The following DHX16 variants were observed in gnomAD, a reference collection of about 807,000 sequenced individuals.
DHX16 encodes the protein DEAH-box helicase 16, also known as pre-mRNA-splicing factor ATP-dependent RNA helicase DHX16.
In DHX16, 81 loss-of-function variants were observed where a neutral mutation model predicts 131.2. That is an observed-to-expected ratio of 0.62 (90% confidence interval 0.52 to 0.74). The LOEUF is 0.74. DHX16 is among the 30% of genes least tolerant of loss of function. DHX16 has a pLI of 0.00. For synonymous variants in DHX16, 440 were observed against 520.2 expected (o/e 0.85, Z 2.10); for missense variants, 980 against 1,363.1 (o/e 0.72, Z 4.43).
chr6:30,662,947 TC>T lies in DHX16; in HGVS notation c.1391del (p.Arg464GlnfsTer8). The T allele has an allele frequency of 6.2e-7, 1 of 1,613,238 alleles. No individual in the cohort carries two copies. Among genetic ancestry groups the T allele is most frequent in the Non-Finnish European group, 8.5e-7 (1 of 1,180,016 alleles). On this transcript the variant is annotated frameshift_variant, in exon 8 of 20. Transcript: ENST00000376442. LOFTEE classifies it high-confidence loss of function. The surrounding 1 kb of genome is among the most constrained non-coding windows in gnomAD (Gnocchi z 4.7). ...RRVAAMSVAA[R>X]VAREMGVKLG... ...GCTTCACACCCATCTCCCGGGCCACTCGGGCGGCCACACTCATGGCAGCCAC... is the reference window on the plus strand; with the variant it reads ...GCTTCACACCCATCTCCCGGGCCACTGGGCGGCCACACTCATGGCAGCCAC...
chr6:30,672,655 C>T lies in DHX16; in HGVS notation c.187G>A (p.Ala63Thr). 1.9e-6 allele frequency: 3 copies of T among 1,612,658 alleles called. No homozygotes were observed. Among genetic ancestry groups the T allele is most frequent in the Non-Finnish European group, 2.5e-6 (3 of 1,179,678 alleles). The change falls in exon 1 of 20, where the codon GCC (alanine) becomes ACC (threonine). Residue 63 changes from alanine to threonine, a missense_variant. Coordinates refer to ENST00000376442, the MANE Select transcript of DHX16 (RefSeq NM_003587.5). ...LDLSGPARDF[A>T]LRLWNKVPRK... is the part of the protein sequence containing the mutation. ...GACACCTTGTTCCAGAGTCTCAGGG[C>T]GAAGTCCCGGGCCGGCCCACTGAGA...
rs771105690 is a variant in DHX16, at chr6:30,670,531, C to A, written c.610-65G>T. ...GAGCCCCCACACTGACAGCTGCTCCCCTCTAGAATCACAAGGATCATTCAG... is the reference window on the plus strand; with the variant it reads ...GAGCCCCCACACTGACAGCTGCTCCACTCTAGAATCACAAGGATCATTCAG... On this transcript the variant is annotated intron_variant, in intron 3 of 19. Transcript: ENST00000376442. The surrounding 1 kb of genome is among the most constrained non-coding windows in gnomAD (Gnocchi z 4.4). 16 of 1,520,452 alleles carry A rather than the reference C, an allele frequency of 1.1e-5. No homozygotes were observed. The highest frequency in any genetic ancestry group is 1.4e-5 in the Non-Finnish European group (16 of 1,109,690). The allele number at this position is 1,520,452 out of a possible 1,614,324, so 94.2% of individuals were successfully genotyped here.
At chr6:30,666,157 G>A (rs552104202) in intron 4 of DHX16, among the ~76,000 whole-genome samples, 1 of 152,148 alleles carries the variant, frequency 6.6e-6, no homozygotes, top group Non-Finnish European at 1.5e-5. Context: ...ACCAGTGAGG[G>A]GGCCAACAGG....
Position 30,659,486 on chromosome 6 carries a change from G to A in DHX16, c.1993C>T (p.Pro665Ser), listed in dbSNP as rs1310687668. ...CTCCAACTGACCTTTCGTGCCCCAGGTGGTGTGGGCTGGAAGATACGGGCC... is the reference window on the plus strand; with the variant it reads ...CTCCAACTGACCTTTCGTGCCCCAGATGGTGTGGGCTGGAAGATACGGGCC... ...MQARIFQPTP[P>S]GARKVVVATN... The change falls in exon 12 of 20, where the codon CCT becomes TCT. Residue 665 changes from proline to serine, a missense_variant. Physicochemically the swap from Pro to Ser is moderately conservative, Grantham distance 74. This residue lies in a region of DHX16 where 309 missense variants were observed against 537.1 expected (regional missense o/e 0.58). Coordinates refer to ENST00000376442, the MANE Select transcript of DHX16 (RefSeq NM_003587.5). 6.3e-7 allele frequency: 1 copy of A among 1,596,686 alleles called. No homozygotes were observed. The highest frequency in any genetic ancestry group is 8.5e-7 in the Non-Finnish European group (1 of 1,172,078).
chr6:30,670,286 A>G lies in DHX16; in HGVS notation c.666+124T>C. The G allele has an allele frequency of 1.1e-6, 1 of 935,670 alleles. No individual in the cohort carries two copies. The allele number at this position is 935,670 out of a possible 1,614,324, so 58.0% of individuals were successfully genotyped here. A position where few individuals can be genotyped will look rare whatever the true frequency, so the allele number is the denominator to read the frequency against. On this transcript the variant is annotated intron_variant, in intron 4 of 19. Coordinates refer to ENST00000376442, the MANE Select transcript of DHX16 (RefSeq NM_003587.5). This position sits in a 1 kb window ranked among gnomAD's most constrained non-coding sequence, Gnocchi z 4.4. ...CTCCTAACAACCAAGCCCCTCTTCT[A>G]GAAACCTGACCACCCCATCAGCATC...
At position 30,660,104 on chromosome 6, in the gene DHX16, G is replaced by A. The variant is rs1768361835; in HGVS notation, c.1683C>T (p.Ser561=). 7 of 1,612,242 alleles carry A rather than the reference G, an allele frequency of 4.3e-6. No individual in the cohort carries two copies. The highest frequency in any genetic ancestry group is 3.3e-5 in the South Asian group (3 of 90,976). The part of the protein sequence containing the change: ...ASATMDTARF[S]TFFDDAPVFR... The stretch of plus-strand genomic sequence containing the variant: ...ACACAGGGGCGTCATCAAAGAAGGT[G>A]GAAAAACGGGCAGTGTCCATTGTGG... Residue 561 remains serine (S), a synonymous_variant, in exon 10 of 20, where the codon TCC becomes TCT. Transcript: ENST00000376442.
At chr6:30,664,740 G>T in intron 7 of DHX16, 61 bp downstream of exon 7, 1 of 1,445,216 alleles carries the variant, frequency 6.9e-7, no homozygotes, top group Non-Finnish European at 9.5e-7. Flanking sequence ...AAGGAGCTCT[G>T]ACAGGAATGA....
In DHX16 at chr6:30,665,323, T is replaced by G. The variant is rs1294268021; in HGVS notation, c.922-49A>C. 1.3e-6 allele frequency: 2 copies of G among 1,595,270 alleles called. No homozygotes were observed. The highest frequency in any genetic ancestry group is 4.5e-5 in the East Asian group (2 of 44,766). ...AGACTCAAAAACAGGATGTCCTCTCTGCCCTCTCCCCTCTTCCCATTACTA... is the reference window on the plus strand; with the variant it reads ...AGACTCAAAAACAGGATGTCCTCTCGGCCCTCTCCCCTCTTCCCATTACTA... On this transcript the variant is annotated intron_variant, in intron 5 of 19. Coordinates refer to ENST00000376442, the MANE Select transcript of DHX16 (RefSeq NM_003587.5). This position sits in a 1 kb window ranked among gnomAD's most constrained non-coding sequence, Gnocchi z 4.8.
chr6:30,654,652 A>G (rs543277177), intron 19 of DHX16, 54 bp downstream of exon 19: 8 of 1,517,964 alleles, frequency 5.3e-6, no homozygotes, highest in Non-Finnish European at 7.1e-6. Context: ...GCTTGCCAGG[A>G]CACCATCTCT....
intron 7 of DHX16, among the ~76,000 whole-genome samples, chr6:30,664,516 T>C (rs1027703582): frequency 5.7e-4 from 80 of 140,752 alleles, no homozygotes; most frequent in Non-Finnish European, 1.4e-4. Flanking sequence ...GGCAGGAAAA[T>C]AGTCCTTTAA....
chr6:30,658,701 ACT>A (rs1246768279), intron 12 of DHX16, among the ~76,000 whole-genome samples: 1 of 151,756 alleles, frequency 6.6e-6, no homozygotes, highest in Non-Finnish European at 1.5e-5. Flanking sequence ...ACAGAGCGAG[ACT>A]CTGTCTCAAA....
Position 30,662,622 on chromosome 6 carries a change from G to C in DHX16, c.1544+5C>G. ...AGGGAGAGAAAGGCCAGAGATTAGA[G>C]ATACCTGTAACTCGCCAGGTCAGGC... On this transcript the variant is annotated splice_donor_5th_base_variant and intron_variant, in intron 9 of 19. Coordinates refer to ENST00000376442, the MANE Select transcript of DHX16 (RefSeq NM_003587.5). This position sits in a 1 kb window ranked among gnomAD's most constrained non-coding sequence, Gnocchi z 4.7. 1.2e-6 allele frequency: 2 copies of C among 1,609,354 alleles called. No homozygotes were observed. The highest frequency in any genetic ancestry group is 1.7e-6 in the Non-Finnish European group (2 of 1,176,634).
rs763910556 is a variant in DHX16, at chr6:30,655,578, T to C, written c.2518A>G (p.Ile840Val). The C allele has an allele frequency of 1.2e-6, 2 of 1,613,020 alleles. No individual in the cohort carries two copies. Reference protein sequence around the residue: ...ASEKYSCSEEILTVAAMLSVN... With the variant: ...ASEKYSCSEEVLTVAAMLSVN... The stretch of plus-strand genomic sequence containing the variant: ...GAGAGCATGGCAGCCACTGTCAGGA[T>C]CTCCTCTGAACAGCTGTACCTGGGA... The change falls in exon 17 of 20, where the codon ATC becomes GTC. Residue 840 changes from isoleucine (I) to valine (V), a missense_variant. Around this residue, in one of 3 missense-constraint regions of DHX16, gnomAD observed 214 missense variants for 271.2 expected, o/e 0.79. Coordinates refer to ENST00000376442, the MANE Select transcript of DHX16 (RefSeq NM_003587.5).
Position 30,664,865 on chromosome 6 carries a change from A to G in DHX16, c.1253T>C (p.Leu418Pro), listed in dbSNP as rs1321956512. The G allele has an allele frequency of 1.2e-6, 2 of 1,613,138 alleles. No individual in the cohort carries two copies. Among genetic ancestry groups the G allele is most frequent in the Non-Finnish European group, 1.7e-6 (2 of 1,180,018 alleles). Residue 418 changes from leucine to proline, a missense_variant, in exon 7 of 20, where the codon CTC becomes CCC. Physicochemically the swap from Leu to Pro is moderately conservative, Grantham distance 98. Transcript: ENST00000376442. ...LLAAIANHQV[L>P]IIEGETGSGK... ...TGAGCCTGTCTCGCCTTCAATGATGAGGACTTGGTGATTTGCAATAGCAGC... is the reference window on the plus strand; with the variant it reads ...TGAGCCTGTCTCGCCTTCAATGATGGGGACTTGGTGATTTGCAATAGCAGC...
rs750657160 is a variant in DHX16, at chr6:30,653,437, T to G, written c.2998-67A>C. On this transcript the variant is annotated intron_variant, in intron 19 of 19. Transcript: ENST00000376442. ...CATAGATCTTTTGTTGTTGTTATTTTTTTTTCTTAAATTGAAACAGAGTCT... is the reference window on the plus strand; with the variant it reads ...CATAGATCTTTTGTTGTTGTTATTTGTTTTTCTTAAATTGAAACAGAGTCT... 8.7e-5 allele frequency: 133 copies of G among 1,522,260 alleles called. 1 individual carries two copies. Among genetic ancestry groups the G allele is most frequent in the Non-Finnish European group, 1.2e-4 (132 of 1,137,972 alleles). 94.3% of individuals were successfully genotyped at this position (1,522,260 alleles called of 1,614,324 possible).
chr6:30,664,018 C>T (rs1386244290), intron 7 of DHX16, among the ~76,000 whole-genome samples: 6 of 150,750 alleles, frequency 4.0e-5, no homozygotes, highest in African/African-American at 1.2e-4. Flanking sequence ...AGCAAGACTC[C>T]ACCTCAAAAA....
intron 4 of DHX16, among the ~76,000 whole-genome samples, chr6:30,666,248 A>C (rs2127591333): frequency 6.6e-6 from 1 of 152,364 alleles, no homozygotes; most frequent in African/African-American, 2.4e-5. Flanking sequence ...AAAACTGATT[A>C]TAAAAAGTTA....
chr6:30,659,679 T>C, intron 11 of DHX16, 55 bp from the exon 12 acceptor site: 1 of 1,613,056 alleles, frequency 6.2e-7, no homozygotes, highest in South Asian at 1.1e-5. Context: ...AAGGCCAACA[T>C]GCCGGCCCTG....
At position 30,655,034 on chromosome 6, in the gene DHX16, G is replaced by A. The variant is rs376158283; in HGVS notation, c.2823+141C>T. On this transcript the variant is annotated intron_variant, in intron 18 of 19. Transcript: ENST00000376442. ...AATGAACCTTCAGTGGTCTGGGGAA[G>A]AAAGGGCCCTGGGAGGACACGTCAT... The A allele has an allele frequency of 9.6e-5, 135 of 1,408,472 alleles. No homozygotes were observed. The Middle Eastern group carries it at 2.5e-3, about 27-fold the overall frequency. 87.2% of individuals were successfully genotyped at this position (1,408,472 alleles called of 1,614,324 possible). A position where few individuals can be genotyped will look rare whatever the true frequency, so the allele number is the denominator to read the frequency against.
Sources: gnomAD v4.1 joint callset for allele counts (sites outside exome capture counted in the v4.1 genomes callset) on GRCh38, gnomAD v4.1.1 for gene constraint, gnomAD v4.1.1 regional missense constraint, Gnocchi (gnomAD v3.1) non-coding constraint, MANE v1.5 for transcripts, NCBI Gene and HGNC (gene_info 2026-07-23, HGNC 2026-07-21) for gene names.